CTNNA2: variants seen among roughly 807,000 people sequenced by gnomAD.
CTNNA2 encodes catenin alpha-2.
Under a neutral mutation model 101.0 loss-of-function variants are expected in CTNNA2, and 42 were observed. The observed-to-expected ratio is 0.42, with a 90% CI of 0.32 to 0.54. The LOEUF (loss-of-function observed/expected upper bound fraction) is 0.54, where lower values mean the gene tolerates loss of function less well. CTNNA2 is among the 20% of genes least tolerant of loss of function. The pLI is 0.14. For missense variants in CTNNA2, 871 were observed against 1,223.1 expected (o/e 0.71, Z 4.29); for synonymous variants, 450 against 456.4 (o/e 0.99, Z 0.18).
At chr2:79,259,728 G>C (rs537470535) in intron 2 of CTNNA2, among the ~76,000 whole-genome samples, 5 of 152,260 alleles carry the variant, frequency 3.3e-5, no homozygotes, top group African/African-American at 1.2e-4. Context: ...GATTGTCAGA[G>C]TGACCTTTTA....
chr2:79,615,747 T>C (rs1678577061), intron 1 of CTNNA2, among the ~76,000 whole-genome samples: 1 of 152,194 alleles, frequency 6.6e-6, no homozygotes, highest in Non-Finnish European at 1.5e-5. Flanking sequence ...CCATGTGCCT[T>C]CCTGTCACAG....
intron 3 of CTNNA2, among the ~76,000 whole-genome samples, chr2:79,849,852 A>C (rs1014145072): frequency 6.6e-6 from 1 of 152,198 alleles, no homozygotes; most frequent in African/African-American, 2.4e-5. Context: ...TCCCTGCTTC[A>C]GTATCAATTC....
chr2:79,989,914 T>G (rs1692048040), intron 7 of CTNNA2, among the ~76,000 whole-genome samples: 1 of 152,160 alleles, frequency 6.6e-6, no homozygotes, highest in African/African-American at 2.4e-5. Flanking sequence ...CTGCCTTTGC[T>G]GAAATATAAA....
rs566577060 is a variant in CTNNA2, at chr2:80,537,733, A to G, written c.1291-7249A>G. Among the ~76,000 whole-genome samples, 26 of 152,132 alleles carry G rather than the reference A, an allele frequency of 1.7e-4. 1 individual carries two copies. The South Asian group carries it at 5.4e-3, about 32-fold the overall frequency. On this transcript the variant is annotated intron_variant, in intron 9 of 18. Transcript: ENST00000402739. ...CTCAGCCTCCTGAGTAGCTGGGATT[A>G]CAGGCATGTGCCACCACACCTGGCT...
chr2:80,001,411 G>A (rs999852142), intron 7 of CTNNA2, among the ~76,000 whole-genome samples: 10 of 152,050 alleles, frequency 6.6e-5, no homozygotes, highest in Non-Finnish European at 1.2e-4. Flanking sequence ...CAATGATTTT[G>A]TACATTTATC....
chr2:80,374,284 C>G (rs1675716915), intron 7 of CTNNA2, among the ~76,000 whole-genome samples: 1 of 152,096 alleles, frequency 6.6e-6, no homozygotes, highest in Admixed American at 6.5e-5. Flanking sequence ...CAATGTTTAA[C>G]TCTCACTTAT....
chr2:79,788,823 T>G (rs2105239178), intron 3 of CTNNA2, among the ~76,000 whole-genome samples: 1 of 152,300 alleles, frequency 6.6e-6, no homozygotes, highest in Admixed American at 6.5e-5. Context: ...GCTCATTTTA[T>G]AATTTTGCTT....
intron 13 of CTNNA2, among the ~76,000 whole-genome samples, chr2:80,580,408 G>C (rs1695425519): frequency 6.6e-6 from 1 of 152,130 alleles, no homozygotes; most frequent in African/African-American, 2.4e-5. Context: ...TTCAGTTCTT[G>C]CTAAATTTGT....
chr2:80,630,551 C>T (rs913332437), intron 18 of CTNNA2, among the ~76,000 whole-genome samples: 2 of 152,194 alleles, frequency 1.3e-5, no homozygotes, highest in Non-Finnish European at 1.5e-5. Flanking sequence ...GCAGGAGAAT[C>T]GCTTGAACCC....
At chr2:79,875,540 T>G (rs1183443331) in intron 6 of CTNNA2, among the ~76,000 whole-genome samples, 1 of 152,152 alleles carries the variant, frequency 6.6e-6, no homozygotes, top group Non-Finnish European at 1.5e-5. Flanking sequence ...AAATAACTAG[T>G]TAGCAGCTGG....
At chr2:80,310,169 A>T (rs1166731645) in intron 7 of CTNNA2, among the ~76,000 whole-genome samples, 1 of 152,198 alleles carries the variant, frequency 6.6e-6, no homozygotes, top group Non-Finnish European at 1.5e-5. Flanking sequence ...AGGGACAGAA[A>T]TGTTAAGTGA....
chr2:79,377,777 C>A (rs1677994488), intron 4 of CTNNA2, among the ~76,000 whole-genome samples: 1 of 152,130 alleles, frequency 6.6e-6, no homozygotes, highest in Non-Finnish European at 1.5e-5. Context: ...TCTGCCATAG[C>A]ACCTGAAGGG....
In CTNNA2 at chr2:80,608,295, G is replaced by T; in HGVS notation, c.2407G>T (p.Gly803Ter). 6.2e-7 allele frequency: 1 copy of T among 1,610,052 alleles called. No homozygotes were observed. The highest frequency in any genetic ancestry group is 8.5e-7 in the Non-Finnish European group (1 of 1,177,276). Residue 803 changes from glycine (G) to a stop codon, truncating the protein, a stop_gained, in exon 17 of 19, where the codon GGA becomes TGA. Transcript: ENST00000402739. LOFTEE classifies it high-confidence loss of function. ...SKVKAEVQNL[G>*]GELIVSGTGV... The stretch of plus-strand genomic sequence containing the variant: ...GGTGAAGGCAGAAGTGCAGAATCTG[G>T]GAGGAGAGCTCATTGTGTCAGGGGT...
chr2:80,569,438 A>C (rs577035323), intron 12 of CTNNA2, among the ~76,000 whole-genome samples: 2 of 152,034 alleles, frequency 1.3e-5, no homozygotes, highest in African/African-American at 4.8e-5. Flanking sequence ...TGGTGCCTAC[A>C]GTTTTTGGAT....
intron 7 of CTNNA2, among the ~76,000 whole-genome samples, chr2:80,060,858 C>G (rs1697553838): frequency 6.6e-6 from 1 of 152,180 alleles, no homozygotes. Flanking sequence ...GCCCTCTGCT[C>G]TTAGAGCCTT....
chr2:79,945,727 A>G (rs1688447204), intron 7 of CTNNA2, among the ~76,000 whole-genome samples: 1 of 152,184 alleles, frequency 6.6e-6, no homozygotes, highest in Non-Finnish European at 1.5e-5. Flanking sequence ...ATAAGTCACA[A>G]GCCATATCCT....
Position 80,422,444 on chromosome 2 carries a change from T to G in CTNNA2, c.1290+2843T>G, listed in dbSNP as rs896141677. ...TTTCCCAATACTTATAGTTTGTTTT[T>G]TTTTTTTTCCTTGCATTATAGTACT... On this transcript the variant is annotated intron_variant, in intron 9 of 18. Coordinates refer to ENST00000402739, the MANE Select transcript of CTNNA2 (RefSeq NM_001282597.3). Among the ~76,000 whole-genome samples the G allele has an allele frequency of 9.9e-5, 15 of 152,234 alleles. No homozygotes were observed. The East Asian group carries it at 1.7e-3, about 18-fold the overall frequency.
chr2:79,513,405 TC>T (rs1671635590), intron 1 of CTNNA2, among the ~76,000 whole-genome samples, 198 bp downstream of exon 1: 1 of 151,208 alleles, frequency 6.6e-6, no homozygotes, highest in Admixed American at 6.6e-5. Context: ...CAGCCCCACT[TC>T]CTTCCCACCC....
chr2:79,987,794 A>C (rs1432824629), intron 7 of CTNNA2, among the ~76,000 whole-genome samples: 2 of 152,234 alleles, frequency 1.3e-5, no homozygotes, highest in Admixed American at 1.3e-4. Context: ...ACTTAAAAGC[A>C]CTTTGAGATA....
Sources: allele counts gnomAD v4.1 joint callset (sites outside exome capture counted in the v4.1 genomes callset), GRCh38; gene constraint gnomAD v4.1.1; transcripts MANE v1.5; gene names NCBI Gene and HGNC (gene_info 2026-07-23, HGNC 2026-07-21).